Variants in MAST4 observed in about 807,000 individuals in gnomAD.
MAST4 encodes the protein microtubule associated serine/threonine kinase family member 4.
MAST4 carries 89 observed loss-of-function variants against 162.7 expected under a neutral mutation model. That is an observed-to-expected ratio of 0.55 (90% CI 0.46 to 0.65). MAST4 has a LOEUF of 0.65. MAST4 is among the 30% of genes least tolerant of loss of function. The probability of loss-of-function intolerance (pLI) is 0.00; values close to 1 mark genes in which losing one functional copy is unlikely to be tolerated. For missense variants in MAST4, 3,153 were observed against 3,374.0 expected, an observed-to-expected ratio of 0.93 and a Z score of 1.62; for synonymous variants, 1,479 against 1,361.1, an observed-to-expected ratio of 1.09 and a Z score of -1.91.
In MAST4 at chr5:67,118,714, A is replaced by G; in HGVS notation, c.1624A>G (p.Thr542Ala). The change falls in exon 13 of 29, where the codon ACA (threonine) becomes GCA (alanine). Residue 542 changes from threonine (T) to alanine (A), a missense_variant. Physicochemically the swap from Thr to Ala is moderately conservative, Grantham distance 58. Around this residue, in one of 7 missense-constraint regions of MAST4, gnomAD observed 360 missense variants for 450.0 expected, o/e 0.80. Coordinates refer to ENST00000403625, the MANE Select transcript of MAST4 (RefSeq NM_001164664.2). ...MAHLGNYDSG[T>A]AETPETDESV... ...TCATTTGGGAAACTACGATAGTGGG[A>G]CAGCAGAAACACCAGAAACAGATGA... is the stretch of plus-strand genomic sequence containing the variant. The G allele has an allele frequency of 6.3e-7, 1 of 1,578,122 alleles. No homozygotes were observed. The highest frequency in any genetic ancestry group is 1.2e-5 in the South Asian group (1 of 86,146).
In MAST4 at chr5:67,166,192, CT is replaced by C. The variant is rs1481196979; in HGVS notation, c.7014del (p.Val2339Ter). 6.4e-7 allele frequency: 1 copy of C among 1,554,038 alleles called. No individual in the cohort carries two copies. Among genetic ancestry groups the C allele is most frequent in the Admixed American group, 2.0e-5 (1 of 51,110 alleles). On this transcript the variant is annotated frameshift_variant, in exon 29 of 29. Transcript: ENST00000403625. LOFTEE classifies it low-confidence loss of function (END_TRUNC). Reference protein sequence around the residue: ...TLSPKHPKPSTVKDCPTLCKQ... With the variant: ...TLSPKHPKPSXVKDCPTLCKQ... ...TCTCCAAAGCACCCCAAACCATCCA[CT>C]GTGAAAGATTGCCCCACCCTGTGCA... is the stretch of plus-strand genomic sequence containing the variant.
intron 14 of MAST4, among the ~76,000 whole-genome samples, chr5:67,127,047 C>G (rs556956685): frequency 2.6e-5 from 4 of 152,180 alleles, no homozygotes; most frequent in Admixed American, 1.3e-4. Context: ...CTCTGTTTGT[C>G]TATTACTGGT....
At chr5:66,736,678 A>G (rs960191561) in intron 1 of MAST4, among the ~76,000 whole-genome samples, 1 of 152,232 alleles carries the variant, frequency 6.6e-6, no homozygotes, top group Non-Finnish European at 1.5e-5. Flanking sequence ...GGTACAGTTA[A>G]CAGTGGTCTA....
rs900960489 is a variant in MAST4 at position 66,696,563 on chromosome 5, T to C, written c.364-63146T>C. On this transcript the variant is annotated intron_variant, in intron 1 of 28. Coordinates refer to ENST00000403625, the MANE Select transcript of MAST4 (RefSeq NM_001164664.2). ...ATGGTCAAGTCAACATTCTGACCGC[T>C]CTGGTGCTCGGCTTCCTCAGTCCAA... 2.0e-5 allele frequency among the ~76,000 whole-genome samples: 3 copies of C among 152,070 alleles called. No homozygotes were observed. The South Asian group carries it at 6.2e-4, about 32-fold the overall frequency.
intron 4 of MAST4, among the ~76,000 whole-genome samples, chr5:67,009,197 TCACATATAA>T (rs1752388568): frequency 2.4e-5 from 1 of 41,432 alleles, no homozygotes; most frequent in African/African-American, 4.9e-5. Context: ...CCATAGGAGC[TCACATATAA>T]GCTCAGTGAG....
rs1656673874 is a variant in MAST4 at position 66,963,888 on chromosome 5, C to T, written c.674+63906C>T. ...ACTTCAGACTCTGCAATCCACAATC[C>T]ACAGGGTGAGGAAACTGGTTGAATT... On this transcript the variant is annotated intron_variant, in intron 4 of 28. Transcript: ENST00000403625. 6.5e-6 allele frequency: 5 copies of T among 768,526 alleles called. No individual in the cohort carries two copies. The Admixed American group carries it at 8.7e-5, about 13-fold the overall frequency. 47.6% of individuals were successfully genotyped at this position (768,526 alleles called of 1,614,324 possible). A position where few individuals can be genotyped will look rare whatever the true frequency, so the allele number is the denominator to read the frequency against.
chr5:66,761,320 C>A (rs1258960459), intron 2 of MAST4, among the ~76,000 whole-genome samples: 1 of 152,084 alleles, frequency 6.6e-6, no homozygotes, highest in Admixed American at 6.5e-5. Context: ...CTGCAAAATA[C>A]CCAAATTAAG....
chr5:66,828,885 A>G (rs771322729), intron 3 of MAST4: 2 of 1,598,334 alleles, frequency 1.3e-6, no homozygotes, highest in South Asian at 1.1e-5. Context: ...GGCTCCAGGT[A>G]GGAGACTGCT....
At chr5:67,026,520 C>G (rs1208818167) in intron 4 of MAST4, among the ~76,000 whole-genome samples, 1 of 152,166 alleles carries the variant, frequency 6.6e-6, no homozygotes, top group Non-Finnish European at 1.5e-5. Flanking sequence ...CAGCAGAATG[C>G]TTTGTAAACA....
intron 24 of MAST4, among the ~76,000 whole-genome samples, chr5:67,149,936 A>G (rs1040832327): frequency 6.6e-6 from 1 of 152,040 alleles, no homozygotes; most frequent in African/African-American, 2.4e-5. Context: ...TTTTTTCTCT[A>G]GAGTATGTAT....
rs1210798072 is a variant in MAST4 at position 66,883,420 on chromosome 5, CTG to C, written c.643-16529_643-16528del. ...AGGGCACAGTTGTGTTGTTCTGTCA[CTG>C]TTTTTTTTTTTTTTTTTTTTTTTTT... On this transcript the variant is annotated intron_variant, in intron 3 of 28. Transcript: ENST00000403625. Among the ~76,000 whole-genome samples the C allele has an allele frequency of 6.8e-4, 85 of 125,512 alleles. 9 individuals are homozygous for C. The highest frequency in any genetic ancestry group is 2.7e-3 in the East Asian group (12 of 4,498). The allele number at this position is 125,512 out of a possible 152,430, so 82.3% of individuals were successfully genotyped here.
intron 4 of MAST4, among the ~76,000 whole-genome samples, chr5:66,962,837 C>T (rs189196395): frequency 3.7e-4 from 56 of 152,226 alleles, no homozygotes; most frequent in African/African-American, 1.3e-3. Flanking sequence ...TTGATTTTGC[C>T]ATGTAAAAAT....
intron 4 of MAST4, among the ~76,000 whole-genome samples, chr5:66,979,760 A>G (rs888241468): frequency 6.6e-6 from 1 of 152,230 alleles, no homozygotes; most frequent in Non-Finnish European, 1.5e-5. Context: ...GGTGCTCTAC[A>G]TATATTTTTA....
intron 4 of MAST4, among the ~76,000 whole-genome samples, chr5:66,918,695 T>G (rs10041797): frequency 0.14 from 21,185 of 152,150 alleles, 1,885 homozygotes; most frequent in South Asian, 0.31. Context: ...GAGGTCTCTA[T>G]TTTACTTATG....
intron 1 of MAST4, among the ~76,000 whole-genome samples, chr5:66,657,762 C>T (rs928113564): frequency 6.6e-6 from 1 of 152,158 alleles, no homozygotes; most frequent in African/African-American, 2.4e-5. Flanking sequence ...ATGAAGATGA[C>T]TGGAGAATGT....
intron 3 of MAST4, among the ~76,000 whole-genome samples, chr5:66,797,870 A>C (rs955971269): frequency 6.6e-6 from 1 of 152,136 alleles, no homozygotes; most frequent in Admixed American, 6.5e-5. Flanking sequence ...GTTTCTTCTT[A>C]ATGTGATATT....
intron 3 of MAST4, chr5:66,828,975 A>G: frequency 1.0e-6 from 1 of 1,000,134 alleles, no homozygotes; most frequent in Non-Finnish European, 1.6e-6. Flanking sequence ...ACTGGGCACG[A>G]ATATGTGCAT....
intron 2 of MAST4, among the ~76,000 whole-genome samples, chr5:66,784,621 G>T (rs1194761962): frequency 6.6e-6 from 1 of 152,120 alleles, no homozygotes; most frequent in Admixed American, 6.5e-5. Flanking sequence ...CTTACAAGAA[G>T]AAATATTAAT....
chr5:66,673,767 C>T (rs533124603), intron 1 of MAST4, among the ~76,000 whole-genome samples: 3 of 152,222 alleles, frequency 2.0e-5, no homozygotes, highest in South Asian at 2.1e-4. Flanking sequence ...GGATTATAGG[C>T]GTGAGCCACT....
Sources: gnomAD v4.1 joint callset for allele counts (sites outside exome capture counted in the v4.1 genomes callset) on GRCh38, gnomAD v4.1.1 for gene constraint, gnomAD v4.1.1 regional missense constraint, MANE v1.5 for transcripts, NCBI Gene and HGNC (gene_info 2026-07-23, HGNC 2026-07-21) for gene names.